MYT1L: variants seen among roughly 807,000 people sequenced by gnomAD.
MYT1L encodes the protein myelin transcription factor 1 like.
A neutral mutation model predicts 126.7 loss-of-function variants in MYT1L; 12 were observed. That is an observed-to-expected ratio of 0.09 (90% CI 0.06 to 0.15). The LOEUF is 0.15. Ranked by LOEUF, MYT1L falls within the 10% of genes least tolerant of loss-of-function variation. The pLI is 1.00. For synonymous variants in MYT1L, 541 were observed against 604.2 expected, an observed-to-expected ratio of 0.90 and a Z score of 1.53; for missense variants, 979 against 1,585.2, an observed-to-expected ratio of 0.62 and a Z score of 6.49.
chr2:2,262,931 T>TATATATATATATATATAA (rs970472033), intron 2 of MYT1L, among the ~76,000 whole-genome samples: 3 of 43,660 alleles, frequency 6.9e-5, no homozygotes, highest in South Asian at 1.2e-3. Flanking sequence ...TATATATATA[T>TATATATATATATATATAA]AACCTGTGAT....
intron 8 of MYT1L, among the ~76,000 whole-genome samples, chr2:1,978,711 T>TA (rs772918746): frequency 1.3e-5 from 2 of 152,318 alleles, no homozygotes; most frequent in Non-Finnish European, 2.9e-5. Flanking sequence ...AGAATGGGCT[T>TA]AGTTTCCCAG....
chr2:1,810,043 G>A (rs78976967), intron 21 of MYT1L: 17,735 of 151,976 alleles, frequency 0.12, 1,468 homozygotes, highest in South Asian at 0.36. Flanking sequence ...TGGACGTGCT[G>A]GTCAACTGGA....
chr2:2,177,096 C>T (rs560620765), intron 2 of MYT1L, among the ~76,000 whole-genome samples: 30 of 152,312 alleles, frequency 2.0e-4, no homozygotes, highest in African/African-American at 6.0e-4. Context: ...GAGCCTTCCC[C>T]GTCTGCTGTG....
intron 4 of MYT1L, among the ~76,000 whole-genome samples, chr2:2,001,236 G>A (rs1262798684): frequency 3.4e-5 from 3 of 88,192 alleles, no homozygotes; most frequent in Non-Finnish European, 4.3e-5. Context: ...ATTGGTTTTA[G>A]CTTTTTTTTT....
rs545334544 is a variant in MYT1L at position 2,299,819 on chromosome 2, A to T, written c.-520-15316T>A. On this transcript the variant is annotated intron_variant, in intron 1 of 24. Transcript: ENST00000647738. Reference sequence around the variant, plus strand: ...TGTTTGAAACATCCAGTCCCATTACAAACTTTTTCCATGTCATCATAATCT... The same window carrying T: ...TGTTTGAAACATCCAGTCCCATTACTAACTTTTTCCATGTCATCATAATCT... Among the ~76,000 whole-genome samples, 139 of 152,292 alleles carry T rather than the reference A, an allele frequency of 9.1e-4. 1 individual carries two copies. Among genetic ancestry groups the T allele is most frequent in the African/African-American group, 3.2e-3 (131 of 41,570 alleles).
intron 2 of MYT1L, among the ~76,000 whole-genome samples, chr2:2,243,058 C>A (rs1219920873): frequency 6.6e-6 from 1 of 152,054 alleles, no homozygotes; most frequent in Middle Eastern, 3.2e-3. Flanking sequence ...GACCAAGGGG[C>A]AATGTCAATG....
intron 2 of MYT1L, among the ~76,000 whole-genome samples, chr2:2,227,568 G>C (rs1415661706): frequency 6.6e-6 from 1 of 152,158 alleles, no homozygotes; most frequent in Non-Finnish European, 1.5e-5. Flanking sequence ...GCCCTGCACT[G>C]CTCCTGTCCT....
chr2:2,265,808 C>A (rs1019978638), intron 2 of MYT1L, among the ~76,000 whole-genome samples: 3 of 152,080 alleles, frequency 2.0e-5, no homozygotes, highest in East Asian at 1.9e-4. Context: ...TTACGTTTGA[C>A]AATGACAATG....
At chr2:2,259,611 C>A (rs1204800305) in intron 2 of MYT1L, among the ~76,000 whole-genome samples, 1 of 152,086 alleles carries the variant, frequency 6.6e-6, no homozygotes, top group Non-Finnish European at 1.5e-5. Context: ...CTGAAAATCT[C>A]CAAATCTTTA....
intron 8 of MYT1L, among the ~76,000 whole-genome samples, chr2:1,977,124 T>A (rs994642544): frequency 2.0e-5 from 3 of 152,224 alleles, no homozygotes; most frequent in Non-Finnish European, 4.4e-5. Flanking sequence ...TGATGATTTT[T>A]AAAAAATTAA....
intron 4 of MYT1L, among the ~76,000 whole-genome samples, chr2:2,042,598 A>G (rs2067674861): frequency 6.6e-6 from 1 of 152,092 alleles, no homozygotes; most frequent in Non-Finnish European, 1.5e-5. Context: ...ATTTCTTGTT[A>G]TGTTGTTATC....
intron 2 of MYT1L, among the ~76,000 whole-genome samples, chr2:2,271,969 G>A (rs973681615): frequency 1.7e-4 from 26 of 152,208 alleles, no homozygotes; most frequent in African/African-American, 6.0e-4. Context: ...TTGTCTTCAT[G>A]ATTCATTCTG....
intron 3 of MYT1L, among the ~76,000 whole-genome samples, chr2:2,078,451 T>C (rs1255957055): frequency 3.9e-5 from 6 of 152,092 alleles, no homozygotes; most frequent in Admixed American, 3.9e-4. Flanking sequence ...AAAACGCACT[T>C]TGAATTCAAA....
chr2:1,934,075 C>T (rs1439191273), intron 9 of MYT1L, among the ~76,000 whole-genome samples: 2 of 148,688 alleles, frequency 1.3e-5, no homozygotes, highest in South Asian at 2.2e-4. Context: ...CCCAGGTTCA[C>T]GCCATGCTCC....
intron 3 of MYT1L, among the ~76,000 whole-genome samples, chr2:2,155,512 C>G (rs897319928): frequency 3.3e-5 from 5 of 152,198 alleles, no homozygotes; most frequent in Admixed American, 6.5e-5. Context: ...ATTCTCAGCA[C>G]AATCCTTCGT....
chr2:1,864,467 C>T (rs763223499), intron 18 of MYT1L, among the ~76,000 whole-genome samples: 29 of 152,218 alleles, frequency 1.9e-4, no homozygotes, highest in Non-Finnish European at 3.5e-4. Flanking sequence ...GTCTGCAGCC[C>T]TGTCTGTCCT....
chr2:2,140,438 T>TTTTTTTTTTTTTTTTTTTTTTTG, intron 3 of MYT1L, among the ~76,000 whole-genome samples: 1 of 142,356 alleles, frequency 7.0e-6, no homozygotes, highest in Admixed American at 6.9e-5. Context: ...TTTTCTTTTT[T>TTTTTTTTTTTTTTTTTTTTTTTG]TTTTTTTTTT....
intron 1 of MYT1L, among the ~76,000 whole-genome samples, chr2:2,298,265 C>T (rs2385135): frequency 0.9 from 136,875 of 152,272 alleles, 62,491 homozygotes; most frequent in Non-Finnish European, 1. Flanking sequence ...TTGGATCTGA[C>T]ACTCAGGATC....
In MYT1L at chr2:2,177,247, G is replaced by C. The variant is rs890333968; in HGVS notation, c.-420-4259C>G. On this transcript the variant is annotated intron_variant, in intron 2 of 24. Coordinates refer to ENST00000647738, the MANE Select transcript of MYT1L (RefSeq NM_001303052.2). The stretch of plus-strand genomic sequence containing the variant: ...GCTAGCCTGACAATTCCAGTTCCTG[G>C]TATCTACCAAATATATATTTAGTCA... Among the ~76,000 whole-genome samples, 5 of 152,308 alleles carry C rather than the reference G, an allele frequency of 3.3e-5. No homozygotes were observed. In the East Asian group the frequency reaches 9.6e-4, roughly 29 times the overall value.
Sources: allele counts gnomAD v4.1 joint callset (sites outside exome capture counted in the v4.1 genomes callset), GRCh38; gene constraint gnomAD v4.1.1; transcripts MANE v1.5; gene names NCBI Gene and HGNC (gene_info 2026-07-23, HGNC 2026-07-21).